The following TP73 variants were observed in gnomAD, a reference collection of about 807,000 sequenced individuals.
TP73 encodes p53-like transcription factor.
TP73 carries 25 observed loss-of-function variants against 62.5 expected under a neutral mutation model. The observed-to-expected ratio is 0.40, with a 90% CI of 0.29 to 0.56. The LOEUF is 0.56. TP73 is among the 20% of genes least tolerant of loss of function. The pLI is 0.46. For synonymous variants in TP73, 423 were observed against 377.5 expected (o/e 1.12, Z -1.40); for missense variants, 754 against 913.3 (o/e 0.83, Z 2.25).
At chr1:3,674,068 C>T (rs181942964) in intron 1 of TP73, among the ~76,000 whole-genome samples, 45 of 152,274 alleles carry the variant, frequency 3.0e-4, no homozygotes, top group Admixed American at 1.2e-3. Flanking sequence ...CTCACTGGGC[C>T]GTCGTGGGGT....
chr1:3,708,049 G>A (rs1283772873), intron 4 of TP73: 4 of 581,014 alleles, frequency 6.9e-6, no homozygotes, highest in South Asian at 4.1e-5. Flanking sequence ...ACTTGGCCCT[G>A]CTGGTGAGAT....
At chr1:3,690,535 G>A in intron 3 of TP73, 1 of 920,678 alleles carries the variant, frequency 1.1e-6, no homozygotes, top group Non-Finnish European at 1.4e-6. Flanking sequence ...TATGGAGCCG[G>A]CGCTGACCGG....
chr1:3,700,967 A>C (rs1034919685), intron 3 of TP73, among the ~76,000 whole-genome samples: 1 of 152,192 alleles, frequency 6.6e-6, no homozygotes, highest in African/African-American at 2.4e-5. Flanking sequence ...AGAGTCTTTC[A>C]AGGGGCTGTC....
In TP73 at chr1:3,708,179, A is replaced by T. The variant is rs566577700; in HGVS notation, c.429+388A>T. 1.5e-3 allele frequency: 384 copies of T among 248,208 alleles called. 1 individual carries two copies. Among genetic ancestry groups the T allele is most frequent in the African/African-American group, 7.9e-3 (362 of 45,720 alleles). 15.4% of individuals were successfully genotyped at this position (248,208 alleles called of 1,614,324 possible). Reference sequence around the variant, plus strand: ...AGTTGTCTGTCCGAGACAGGCCCACAGCCCTAGGGTCTGCAGAACCTGCCT... The same window carrying T: ...AGTTGTCTGTCCGAGACAGGCCCACTGCCCTAGGGTCTGCAGAACCTGCCT... On this transcript the variant is annotated intron_variant, in intron 4 of 13. Transcript: ENST00000378295.
chr1:3,729,584 C>A, intron 10 of TP73, 136 bp downstream of exon 10: 1 of 1,462,308 alleles, frequency 6.8e-7, no homozygotes, highest in Non-Finnish European at 9.4e-7. Context: ...CAGAGCAGAG[C>A]CCACCCCACA....
intron 3 of TP73, among the ~76,000 whole-genome samples, chr1:3,686,151 G>A (rs1234821604): frequency 1.3e-5 from 2 of 152,176 alleles, no homozygotes; most frequent in African/African-American, 4.8e-5. Flanking sequence ...GGGCGGGTCT[G>A]GGACTCATCC....
At chr1:3,671,841 G>A (rs886292930) in intron 1 of TP73, among the ~76,000 whole-genome samples, 26 of 152,204 alleles carry the variant, frequency 1.7e-4, no homozygotes, top group African/African-American at 5.8e-4. Context: ...GAAGGAGTGA[G>A]GGGTGGGTGG....
At chr1:3,725,946 TG>T (rs1031308387) in intron 6 of TP73, among the ~76,000 whole-genome samples, 1 of 87,336 alleles carries the variant, frequency 1.1e-5, no homozygotes, top group Admixed American at 1.4e-4. Context: ...GGACAGATAA[TG>T]GGGGGAGTGG....
chr1:3,733,373 T>C lies in TP73; in HGVS notation c.*294T>C, dbSNP rs1473933252. ...CCTGCCACTGCCCCGGCGTGCTCCA[T>C]GGCAGGCGTGGGTGGGGACCGCAGC... On this transcript the variant is annotated 3_prime_UTR_variant, in exon 14 of 14. Transcript: ENST00000378295. 2 of 469,250 alleles carry C rather than the reference T, an allele frequency of 4.3e-6. No individual in the cohort carries two copies. The highest frequency in any genetic ancestry group is 3.4e-5 in the East Asian group (1 of 29,070). 29.1% of individuals were successfully genotyped at this position (469,250 alleles called of 1,614,324 possible).
chr1:3,662,667 G>A lies in TP73; in HGVS notation c.-34+10026G>A, dbSNP rs989783208. ...TGGATATACCCAAGGCATGTTTGGG[G>A]TGGCACATTCTGCCCCCTCAAGCCA... On this transcript the variant is annotated intron_variant, in intron 1 of 13. Coordinates refer to ENST00000378295, the MANE Select transcript of TP73 (RefSeq NM_005427.4). This position sits in a 1 kb window ranked among gnomAD's most constrained non-coding sequence, Gnocchi z 4.4. Among the ~76,000 whole-genome samples, 2 of 152,236 alleles carry A rather than the reference G, an allele frequency of 1.3e-5. No individual in the cohort carries two copies. Among genetic ancestry groups the A allele is most frequent in the African/African-American group, 4.8e-5 (2 of 41,466 alleles).
intron 6 of TP73, among the ~76,000 whole-genome samples, chr1:3,726,272 AT>A (rs1641576187): frequency 6.8e-5 from 1 of 14,794 alleles, no homozygotes. Flanking sequence ...TGGGGGGTGG[AT>A]GTGTGGGTGG....
At position 3,683,180 on chromosome 1, in the gene TP73, G is replaced by A. The variant is rs769931912; in HGVS notation, c.186G>A (p.Met62Ile). The A allele has an allele frequency of 6.2e-7, 1 of 1,600,212 alleles. No individual in the cohort carries two copies. Among genetic ancestry groups the A allele is most frequent in the African/African-American group, 1.4e-5 (1 of 70,764 alleles). ...FHLEGMTTSVMAQFNLLSSTM... is the reference protein window; with the variant it reads ...FHLEGMTTSVIAQFNLLSSTM... ...TGGAGGGCATGACTACATCTGTCAT[G>A]GTGAGTGGGGGGGCTGCCCTCTGCA... The change falls in exon 3 of 14, where the codon ATG (methionine) becomes ATA (isoleucine). Residue 62 changes from methionine (M) to isoleucine (I), a missense_variant and splice_region_variant. Physicochemically the swap from Met to Ile is conservative, Grantham distance 10. Transcript: ENST00000378295.
In TP73 at chr1:3,676,836, G is replaced by A. The variant is rs751333560; in HGVS notation, c.-33-5497G>A. Among the ~76,000 whole-genome samples the A allele has an allele frequency of 3.0e-4, 46 of 151,906 alleles. 1 individual carries two copies. Among genetic ancestry groups the A allele is most frequent in the Admixed American group, 2.2e-3 (34 of 15,248 alleles). On this transcript the variant is annotated intron_variant, in intron 1 of 13. Transcript: ENST00000378295. Reference sequence around the variant, plus strand: ...AGCCATGGCACAGCACCCCCTCTCCGCCACGGCCCCGACAGCTGGGCGTGC... The same window carrying A: ...AGCCATGGCACAGCACCCCCTCTCCACCACGGCCCCGACAGCTGGGCGTGC...
chr1:3,705,307 C>A (rs1269155193), intron 3 of TP73, among the ~76,000 whole-genome samples: 5 of 152,266 alleles, frequency 3.3e-5, no homozygotes, highest in Non-Finnish European at 7.3e-5. Context: ...TATCCATTTG[C>A]CATTCAGTGA....
In TP73 at chr1:3,727,183, C is replaced by T; in HGVS notation, c.801C>T (p.Asn267=). 3 of 1,612,192 alleles carry T rather than the reference C, an allele frequency of 1.9e-6. No individual in the cohort carries two copies. The highest frequency in any genetic ancestry group is 2.5e-6 in the Non-Finnish European group (3 of 1,179,598). ...ACAGCAGCTGTGTAGGGGGCATGAA[C>T]CGGCGGCCCATCCTCATCATCATCA... ...MCNSSCVGGM[N]RRPILIIITL... The change falls in exon 7 of 14, where the codon AAC becomes AAT. Residue 267 remains asparagine (N), a synonymous_variant. Transcript: ENST00000378295.
Position 3,666,078 on chromosome 1 carries a change from C to A in TP73, c.-34+13437C>A, listed in dbSNP as rs568300622. On this transcript the variant is annotated intron_variant, in intron 1 of 13. Transcript: ENST00000378295. This position sits in a 1 kb window ranked among gnomAD's most constrained non-coding sequence, Gnocchi z 6.4. ...GGCGGAGTTTGTGGTGAGCTGAGAT[C>A]GCACCATTGTACTCCAGCCTGGGCA... Among the ~76,000 whole-genome samples, 4 of 142,154 alleles carry A rather than the reference C, an allele frequency of 2.8e-5. No homozygotes were observed. The highest frequency in any genetic ancestry group is 1.1e-4 in the African/African-American group (4 of 37,024). 93.3% of individuals were successfully genotyped at this position (142,154 alleles called of 152,430 possible). A position where few individuals can be genotyped will look rare whatever the true frequency, so the allele number is the denominator to read the frequency against.
chr1:3,722,391 G>C (rs1446287703), intron 5 of TP73, among the ~76,000 whole-genome samples, 184 bp downstream of exon 5: 2 of 152,246 alleles, frequency 1.3e-5, no homozygotes, highest in Non-Finnish European at 2.9e-5. Flanking sequence ...ACCTGGGGGG[G>C]CCCATGCTCC....
At position 3,701,858 on chromosome 1, in the gene TP73, A is replaced by C. The variant is rs1244588304; in HGVS notation, c.187-5691A>C. ...TCTGCAGATGAGAAAACGAAGACCT[A>C]GGGAGGTGGAGCGATGGGCCAGGTT... On this transcript the variant is annotated intron_variant, in intron 3 of 13. Coordinates refer to ENST00000378295, the MANE Select transcript of TP73 (RefSeq NM_005427.4). The surrounding 1 kb of genome is among the most constrained non-coding windows in gnomAD (Gnocchi z 4.7). 6.6e-6 allele frequency among the ~76,000 whole-genome samples: 1 copy of C among 152,168 alleles called. No homozygotes were observed. The highest frequency in any genetic ancestry group is 1.5e-5 in the Non-Finnish European group (1 of 68,020).
chr1:3,700,780 CAA>C (rs879856293), intron 3 of TP73, among the ~76,000 whole-genome samples: 8 of 133,830 alleles, frequency 6.0e-5, no homozygotes, highest in East Asian at 2.1e-4. Flanking sequence ...GACTTCGTCT[CAA>C]AAAAAAAAAA....
Sources: allele counts gnomAD v4.1 joint callset (sites outside exome capture counted in the v4.1 genomes callset), GRCh38; gene constraint gnomAD v4.1.1; non-coding constraint Gnocchi (gnomAD v3.1); transcripts MANE v1.5; gene names NCBI Gene and HGNC (gene_info 2026-07-23, HGNC 2026-07-21).